FNIP1: variants seen among roughly 807,000 people sequenced by gnomAD.
FNIP1 encodes folliculin interacting protein 1, also known as folliculin-interacting protein 1.
Under a neutral mutation model 124.5 loss-of-function variants are expected in FNIP1, and 40 were observed. The ratio of observed to expected loss-of-function variants is 0.32; its 90% CI spans 0.25 to 0.42. The LOEUF (loss-of-function observed/expected upper bound fraction) is 0.42, where lower values mean the gene tolerates loss of function less well. Among genes scored for constraint, FNIP1 ranks in the 10% least tolerant of loss-of-function variants. The pLI is 1.00. For missense variants in FNIP1, 1,176 were observed against 1,403.7 expected (o/e 0.84, Z 2.59); for synonymous variants, 472 against 470.6 (o/e 1.00, Z -0.04).
At chr5:131,777,070 A>G (rs929735378) in intron 1 of FNIP1, among the ~76,000 whole-genome samples, 1 of 151,998 alleles carries the variant, frequency 6.6e-6, no homozygotes, top group African/African-American at 2.4e-5. Context: ...TGTATCTACT[A>G]AAAAAATTGT....
chr5:131,696,465 C>T (rs1193951644), intron 11 of FNIP1, among the ~76,000 whole-genome samples: 3 of 152,052 alleles, frequency 2.0e-5, no homozygotes, highest in Non-Finnish European at 4.4e-5. Context: ...ACACTGATTA[C>T]CGTATCACTA....
chr5:131,668,179 C>G (rs1767655780), intron 15 of FNIP1, among the ~76,000 whole-genome samples: 1 of 152,172 alleles, frequency 6.6e-6, no homozygotes, highest in Admixed American at 6.5e-5. Context: ...TGCCATAAAA[C>G]AGTCTCAATA....
intron 11 of FNIP1, among the ~76,000 whole-genome samples, chr5:131,689,646 A>C (rs548612340): frequency 2.0e-4 from 31 of 152,332 alleles, no homozygotes; most frequent in African/African-American, 7.2e-4. Flanking sequence ...CAAACACTAA[A>C]AAGTGAAGTT....
At chr5:131,765,025 C>A (rs950778152) in intron 1 of FNIP1, among the ~76,000 whole-genome samples, 1 of 152,062 alleles carries the variant, frequency 6.6e-6, no homozygotes. Context: ...GAGTTCAAGA[C>A]CAGCCTGGGC....
chr5:131,704,686 G>C (rs2149533172), intron 9 of FNIP1, among the ~76,000 whole-genome samples: 1 of 152,226 alleles, frequency 6.6e-6, no homozygotes, highest in South Asian at 2.1e-4. Flanking sequence ...GAGAAAACAA[G>C]AACTTTTAGT....
intron 1 of FNIP1, among the ~76,000 whole-genome samples, chr5:131,786,253 C>A (rs1191922441): frequency 6.6e-6 from 1 of 152,106 alleles, no homozygotes; most frequent in Non-Finnish European, 1.5e-5. Context: ...CTTCTTTGAG[C>A]TGGATACCAG....
chr5:131,734,532 A>T (rs1465760452), intron 2 of FNIP1, among the ~76,000 whole-genome samples: 2 of 152,224 alleles, frequency 1.3e-5, no homozygotes, highest in African/African-American at 2.4e-5. Context: ...CAACCTACAG[A>T]ATGGGAGAAA....
chr5:131,669,990 C>A (rs116296442), intron 15 of FNIP1, among the ~76,000 whole-genome samples: 2,818 of 150,718 alleles, frequency 0.019, 92 homozygotes, highest in African/African-American at 0.065. Context: ...TTAAAACTAT[C>A]TGTTCACTGA....
chr5:131,661,078 C>T (rs1342545762), intron 15 of FNIP1, among the ~76,000 whole-genome samples: 2 of 152,162 alleles, frequency 1.3e-5, no homozygotes, highest in Non-Finnish European at 2.9e-5. Flanking sequence ...TCTCCCTAAT[C>T]AGTAGGAAGA....
intron 4 of FNIP1, 41 bp from the exon 5 acceptor site, chr5:131,719,101 A>T: frequency 6.4e-7 from 1 of 1,556,238 alleles, no homozygotes. Context: ...AAACTAAAAT[A>T]TAATGACCTT....
At chr5:131,697,389 T>G (rs2149528938) in intron 11 of FNIP1, among the ~76,000 whole-genome samples, 1 of 152,252 alleles carries the variant, frequency 6.6e-6, no homozygotes, top group Non-Finnish European at 1.5e-5. Flanking sequence ...CCTCCCAAAG[T>G]ACTGGGATTA....
intron 1 of FNIP1, among the ~76,000 whole-genome samples, chr5:131,794,618 G>A (rs1772516143): frequency 6.6e-6 from 1 of 152,146 alleles, no homozygotes; most frequent in South Asian, 2.1e-4. Context: ...GCCATACAAT[G>A]GAATACCATT....
intron 11 of FNIP1, among the ~76,000 whole-genome samples, chr5:131,685,426 G>C (rs1219892602): frequency 6.6e-6 from 1 of 150,384 alleles, no homozygotes; most frequent in Non-Finnish European, 1.5e-5. Context: ...TCTACTTCAG[G>C]GGAAGCAAAA....
rs373604926 is a variant in FNIP1, at chr5:131,670,570, G to C, written c.3001C>G (p.Leu1001Val). 6.2e-7 allele frequency: 1 copy of C among 1,613,444 alleles called. No individual in the cohort carries two copies. The highest frequency in any genetic ancestry group is 8.5e-7 in the Non-Finnish European group (1 of 1,179,870). Residue 1001 changes from leucine (L) to valine (V), a missense_variant, in exon 15 of 18, where the codon CTG (leucine) becomes GTG (valine). Physicochemically the swap from Leu to Val is conservative, Grantham distance 32 (BLOSUM62 1). Coordinates refer to ENST00000510461, the MANE Select transcript of FNIP1 (RefSeq NM_133372.3). ...PNIANFGRSL[L>V]GGYCSSYVPD... ...ACATAAGATGAGCAGTAGCCACCCA[G>C]CAAGGACCTCCCGAAGTTGGCAATG... is the stretch of plus-strand genomic sequence containing the variant.
intron 15 of FNIP1, among the ~76,000 whole-genome samples, chr5:131,663,780 T>G (rs1382001048): frequency 6.6e-6 from 1 of 152,234 alleles, no homozygotes; most frequent in Non-Finnish European, 1.5e-5. Flanking sequence ...TAAAATTGCT[T>G]GTTTACTAGG....
chr5:131,709,382 AT>A, intron 7 of FNIP1, 110 bp from the exon 8 acceptor site: 2 of 861,814 alleles, frequency 2.3e-6, no homozygotes, highest in Non-Finnish European at 1.9e-6. Context: ...GCATTCCCTT[AT>A]TTTTTTCAAT....
chr5:131,706,503 G>A lies in FNIP1; in HGVS notation c.822C>T (p.Asn274=), dbSNP rs1769118199. 1 of 1,613,326 alleles carries A rather than the reference G, an allele frequency of 6.2e-7. No individual in the cohort carries two copies. Among genetic ancestry groups the A allele is most frequent in the African/African-American group, 1.3e-5 (1 of 74,916 alleles). Residue 274 remains asparagine (N), a synonymous_variant, in exon 9 of 18, where the codon AAC becomes AAT. Coordinates refer to ENST00000510461, the MANE Select transcript of FNIP1 (RefSeq NM_133372.3). ...TGGCACAACTTCGGGTAAGTGAGGA[G>A]TTTGGGGAAGGAAATGGAGTGATCA... ...SLLITPFPSP[N]SSLTRSCASS...
At chr5:131,719,562 A>G in intron 3 of FNIP1, 145 bp from the exon 4 acceptor site, 1 of 627,404 alleles carries the variant, frequency 1.6e-6, no homozygotes, top group South Asian at 3.2e-5. Context: ...CTGCAACTCG[A>G]TTTTCTTCCT....
chr5:131,646,955 G>T (rs1050982663), intron 17 of FNIP1, 135 bp downstream of exon 17: 26 of 708,774 alleles, frequency 3.7e-5, no homozygotes, highest in African/African-American at 3.0e-4. Flanking sequence ...ATGGTACAGG[G>T]CAACCTAAAT....
Sources: gnomAD v4.1 joint callset for allele counts (sites outside exome capture counted in the v4.1 genomes callset) on GRCh38, gnomAD v4.1.1 for gene constraint, MANE v1.5 for transcripts, NCBI Gene and HGNC (gene_info 2026-07-23, HGNC 2026-07-21) for gene names.